TMEM181: variants seen among roughly 807,000 people sequenced by gnomAD.
TMEM181 encodes the protein transmembrane protein 181, also known as G protein-coupled receptor 178.
Under a neutral mutation model 71.9 loss-of-function variants are expected in TMEM181, and 39 were observed. The observed-to-expected ratio is 0.54, with a 90% confidence interval of 0.42 to 0.71. TMEM181 has a LOEUF of 0.71. TMEM181 is among the 30% of genes least tolerant of loss of function. The probability of loss-of-function intolerance (pLI) is 0.00; values close to 1 mark genes in which losing one functional copy is unlikely to be tolerated. For synonymous variants in TMEM181, 245 were observed against 228.8 expected (o/e 1.07, Z -0.64); for missense variants, 595 against 583.0 (o/e 1.02, Z -0.21).
chr6:158,575,975 T>G (rs1357576133), intron 2 of TMEM181, among the ~76,000 whole-genome samples: 2 of 152,196 alleles, frequency 1.3e-5, no homozygotes, highest in African/African-American at 2.4e-5. Flanking sequence ...TTCCTTTGAC[T>G]ACTTCTTTTA....
At chr6:158,564,939 T>C (rs1393303719) in intron 1 of TMEM181, among the ~76,000 whole-genome samples, 1 of 152,208 alleles carries the variant, frequency 6.6e-6, no homozygotes, top group Non-Finnish European at 1.5e-5. Context: ...GATGCCGGCA[T>C]GAGTTGAACA....
At chr6:158,595,085 G>A (rs143194063) in intron 6 of TMEM181, among the ~76,000 whole-genome samples, 77 of 152,312 alleles carry the variant, frequency 5.1e-4, no homozygotes, top group African/African-American at 1.8e-3. Context: ...GGGATGCATT[G>A]CATTTTTCTC....
At chr6:158,617,905 G>A (rs1174623390) in intron 10 of TMEM181, among the ~76,000 whole-genome samples, 1 of 152,180 alleles carries the variant, frequency 6.6e-6, no homozygotes, top group Non-Finnish European at 1.5e-5. Context: ...CAACTATGTG[G>A]TCAATTTTGG....
In TMEM181 at chr6:158,573,836, C is replaced by T. The variant is rs141413511; in HGVS notation, c.112+313C>T. 1.7e-3 allele frequency among the ~76,000 whole-genome samples: 266 copies of T among 152,082 alleles called. 1 individual carries two copies. Among genetic ancestry groups the T allele is most frequent in the African/African-American group, 6.0e-3 (250 of 41,460 alleles). ...CTGCTGTGCACGAGACCCAGCTGGG[C>T]GCTGGTGTGTCCAGAACATGCTGCC... On this transcript the variant is annotated intron_variant, in intron 2 of 16. Transcript: ENST00000684151.
chr6:158,599,272 G>C (rs1784545529), intron 6 of TMEM181, among the ~76,000 whole-genome samples: 1 of 152,236 alleles, frequency 6.6e-6, no homozygotes, highest in South Asian at 2.1e-4. Context: ...GTGGATGGAT[G>C]GATGGGCGCA....
chr6:158,593,668 G>C (rs186251777), intron 6 of TMEM181, among the ~76,000 whole-genome samples: 1 of 152,190 alleles, frequency 6.6e-6, no homozygotes, highest in Non-Finnish European at 1.5e-5. Flanking sequence ...GTGTTTGTAT[G>C]TCTTTTATAA....
chr6:158,581,681 G>A (rs1783486692), intron 3 of TMEM181, among the ~76,000 whole-genome samples: 1 of 151,078 alleles, frequency 6.6e-6, no homozygotes, highest in South Asian at 2.1e-4. Context: ...TGTGAACCCG[G>A]GCGGGGGAGC....
At chr6:158,541,959 G>T (rs1582911109) in intron 1 of TMEM181, among the ~76,000 whole-genome samples, 1 of 138,078 alleles carries the variant, frequency 7.2e-6, no homozygotes, top group East Asian at 2.2e-4. Context: ...AGGCTGGAGT[G>T]CAGTGGCCTG....
chr6:158,599,967 G>A (rs191722526), intron 6 of TMEM181, among the ~76,000 whole-genome samples: 25 of 152,306 alleles, frequency 1.6e-4, no homozygotes, highest in South Asian at 2.1e-4. Flanking sequence ...GAACCAGGAG[G>A]ATGGGGACGC....
At chr6:158,612,320 T>C (rs1285863445) in intron 10 of TMEM181, among the ~76,000 whole-genome samples, 1 of 152,188 alleles carries the variant, frequency 6.6e-6, no homozygotes, top group East Asian at 1.9e-4. Context: ...CCTATAGTTA[T>C]AAAAGGACCA....
chr6:158,606,406 C>T (rs2128315914), intron 7 of TMEM181, among the ~76,000 whole-genome samples: 1 of 152,326 alleles, frequency 6.6e-6, no homozygotes, highest in Non-Finnish European at 1.5e-5. Flanking sequence ...TCTGGGCAGC[C>T]AGAAACACTT....
At chr6:158,581,909 C>T (rs543106319) in intron 3 of TMEM181, among the ~76,000 whole-genome samples, 5 of 152,148 alleles carry the variant, frequency 3.3e-5, no homozygotes, top group Admixed American at 2.0e-4. Flanking sequence ...CATAACTTTA[C>T]CTATAAACTG....
intron 10 of TMEM181, among the ~76,000 whole-genome samples, chr6:158,616,220 C>T (rs1785604534): frequency 6.6e-6 from 1 of 152,000 alleles, no homozygotes; most frequent in South Asian, 2.1e-4. Context: ...AGTTGGATTC[C>T]TAGGTATTTT....
chr6:158,550,892 G>GAAAAAAAAA (rs368216274), intron 1 of TMEM181, among the ~76,000 whole-genome samples: 1 of 87,104 alleles, frequency 1.1e-5, no homozygotes, highest in Non-Finnish European at 2.2e-5. Context: ...TCTGTCTCAG[G>GAAAAAAAAA]AAAAAAAAAA....
At chr6:158,583,825 C>T (rs1016077128) in intron 3 of TMEM181, 129 bp from the exon 4 acceptor site, 8 of 611,846 alleles carry the variant, frequency 1.3e-5, no homozygotes, top group Non-Finnish European at 1.9e-5. Flanking sequence ...GAAAACCTCA[C>T]ATATTTCTGT....
chr6:158,574,810 A>G (rs1783072052), intron 2 of TMEM181, among the ~76,000 whole-genome samples: 1 of 152,182 alleles, frequency 6.6e-6, no homozygotes, highest in African/African-American at 2.4e-5. Flanking sequence ...AGGAATTGGT[A>G]CATGATTATG....
At chr6:158,621,438 G>A in intron 10 of TMEM181, 1 of 219,948 alleles carries the variant, frequency 4.5e-6, no homozygotes, top group East Asian at 1.2e-4. Flanking sequence ...GGATAACCTC[G>A]GCGAAGCAAG....
intron 1 of TMEM181, among the ~76,000 whole-genome samples, chr6:158,538,186 G>A (rs1192049992): frequency 7.9e-6 from 1 of 126,772 alleles, no homozygotes; most frequent in Non-Finnish European, 1.6e-5. Flanking sequence ...ACAGGGTCTT[G>A]CCCTGTCGCC....
chr6:158,580,858 A>T, intron 2 of TMEM181, 82 bp from the exon 3 acceptor site: 2 of 1,286,896 alleles, frequency 1.6e-6, no homozygotes, highest in Non-Finnish European at 2.2e-6. Context: ...GTAATGTGTG[A>T]GTCTTTCTTG....
Sources: allele counts gnomAD v4.1 joint callset (sites outside exome capture counted in the v4.1 genomes callset), GRCh38; gene constraint gnomAD v4.1.1; transcripts MANE v1.5; gene names NCBI Gene and HGNC (gene_info 2026-07-23, HGNC 2026-07-21).